The following KCNQ5 variants were observed in gnomAD, a reference collection of about 807,000 sequenced individuals.
The protein encoded by KCNQ5 is potassium voltage-gated channel subfamily KQT member 5.
In KCNQ5, 30 loss-of-function variants were observed where a neutral mutation model predicts 98.2. That is an observed-to-expected ratio of 0.31 (90% confidence interval 0.23 to 0.41). The LOEUF (loss-of-function observed/expected upper bound fraction) is 0.41, where lower values mean the gene tolerates loss of function less well. Among genes scored for constraint, KCNQ5 ranks in the 10% least tolerant of loss-of-function variants. The probability of loss-of-function intolerance (pLI) is 1.00; values close to 1 mark genes in which losing one functional copy is unlikely to be tolerated. For missense variants in KCNQ5, 835 were observed against 1,182.5 expected (o/e 0.71, Z 4.31); for synonymous variants, 458 against 449.4 (o/e 1.02, Z -0.24).
At chr6:72,808,103 G>C (rs572696550) in intron 1 of KCNQ5, among the ~76,000 whole-genome samples, 1 of 152,298 alleles carries the variant, frequency 6.6e-6, no homozygotes, top group African/African-American at 2.4e-5. Context: ...CTAGGGGCAG[G>C]ATGGGGACAG....
At chr6:72,912,363 G>T (rs1421869637) in intron 1 of KCNQ5, among the ~76,000 whole-genome samples, 1 of 152,172 alleles carries the variant, frequency 6.6e-6, no homozygotes, top group Admixed American at 6.6e-5. Flanking sequence ...TTCCACTAGA[G>T]AATAAAGCTT....
chr6:72,934,750 C>G (rs1489590473), intron 1 of KCNQ5, among the ~76,000 whole-genome samples: 2 of 152,194 alleles, frequency 1.3e-5, no homozygotes, highest in Admixed American at 1.3e-4. Context: ...TGTCTGGGCT[C>G]TCATAGCTCA....
intron 1 of KCNQ5, among the ~76,000 whole-genome samples, chr6:72,871,808 C>A (rs955805976): frequency 3.9e-5 from 6 of 152,072 alleles, no homozygotes; most frequent in African/African-American, 1.2e-4. Flanking sequence ...AGTATTAGTC[C>A]AAGGATACAT....
At chr6:72,733,910 C>T (rs1770686327) in intron 1 of KCNQ5, among the ~76,000 whole-genome samples, 2 of 152,182 alleles carry the variant, frequency 1.3e-5, no homozygotes, top group South Asian at 4.1e-4. Flanking sequence ...TCCATTAGTG[C>T]TCTACTCAGT....
At chr6:72,665,737 C>T (rs1565067700) in intron 1 of KCNQ5, among the ~76,000 whole-genome samples, 1 of 152,132 alleles carries the variant, frequency 6.6e-6, no homozygotes, top group South Asian at 2.1e-4. Context: ...TAAAGAGTTG[C>T]CGCATGAGGG....
intron 1 of KCNQ5, among the ~76,000 whole-genome samples, chr6:72,848,573 C>A (rs1480523615): frequency 6.6e-6 from 1 of 152,158 alleles, no homozygotes; most frequent in African/African-American, 2.4e-5. Context: ...ACTCAAATAA[C>A]TTTACCCATC....
intron 1 of KCNQ5, among the ~76,000 whole-genome samples, chr6:72,971,296 A>T (rs1767885574): frequency 6.6e-6 from 1 of 152,238 alleles, no homozygotes; most frequent in African/African-American, 2.4e-5. Flanking sequence ...CCACAATGAG[A>T]TACCATCTCA....
intron 1 of KCNQ5, among the ~76,000 whole-genome samples, chr6:72,908,139 T>G (rs190121815): frequency 2.6e-5 from 4 of 152,042 alleles, no homozygotes; most frequent in Non-Finnish European, 4.4e-5. Flanking sequence ...CCTTGAAAAT[T>G]TGGAACATTT....
chr6:73,187,096 G>A (rs1765396024), intron 11 of KCNQ5, among the ~76,000 whole-genome samples: 2 of 142,896 alleles, frequency 1.4e-5, no homozygotes, highest in Admixed American at 1.5e-4. Flanking sequence ...GTCTTGCTCT[G>A]TCGCCCAGGC....
At chr6:72,943,542 G>A (rs1254010065) in intron 1 of KCNQ5, among the ~76,000 whole-genome samples, 9 of 152,194 alleles carry the variant, frequency 5.9e-5, no homozygotes. Flanking sequence ...CAGTCAAGAA[G>A]TGTCAAATTA....
intron 1 of KCNQ5, among the ~76,000 whole-genome samples, chr6:72,887,970 C>G (rs1050625605): frequency 6.6e-6 from 1 of 151,786 alleles, no homozygotes; most frequent in African/African-American, 2.4e-5. Flanking sequence ...TTATAAGCAG[C>G]CCACTTAAAA....
At chr6:73,081,151 T>A (rs1225161516) in intron 5 of KCNQ5, among the ~76,000 whole-genome samples, 1 of 152,174 alleles carries the variant, frequency 6.6e-6, no homozygotes, top group African/African-American at 2.4e-5. Flanking sequence ...GACCCACAGT[T>A]TGAACACAGA....
chr6:72,654,279 A>G (rs371831391), intron 1 of KCNQ5, among the ~76,000 whole-genome samples: 1 of 151,936 alleles, frequency 6.6e-6, no homozygotes, highest in South Asian at 2.1e-4. Flanking sequence ...TTGGGAATAT[A>G]TTGGATTTAA....
intron 1 of KCNQ5, among the ~76,000 whole-genome samples, chr6:72,904,696 A>G (rs1033901593): frequency 5.9e-5 from 9 of 152,160 alleles, no homozygotes; most frequent in South Asian, 2.1e-4. Context: ...TTGGGCCCCA[A>G]TCCCTTCTAG....
At chr6:73,136,768 A>G (rs1183004529) in intron 10 of KCNQ5, 2 of 152,242 alleles carry the variant, frequency 1.3e-5, no homozygotes, top group Admixed American at 6.5e-5. Flanking sequence ...TAGCTGTCAA[A>G]TAAATGTAGA....
intron 1 of KCNQ5, among the ~76,000 whole-genome samples, chr6:72,961,702 G>A (rs924661953): frequency 1.3e-5 from 2 of 151,174 alleles, no homozygotes; most frequent in African/African-American, 4.9e-5. Flanking sequence ...GAGACGAGAA[G>A]ATAAAGCATT....
intron 1 of KCNQ5, among the ~76,000 whole-genome samples, chr6:72,862,984 G>A (rs962673817): frequency 6.6e-6 from 1 of 152,084 alleles, no homozygotes; most frequent in Non-Finnish European, 1.5e-5. Context: ...TCCTTGCACT[G>A]TTATTCATAG....
chr6:72,766,827 T>A (rs9446750), intron 1 of KCNQ5, among the ~76,000 whole-genome samples: 4,716 of 152,064 alleles, frequency 0.031, 255 homozygotes, highest in African/African-American at 0.11. Flanking sequence ...TTGTGGAGTT[T>A]GCTAGTAGAA....
chr6:72,875,143 A>AATATT (rs1778360092), intron 1 of KCNQ5, among the ~76,000 whole-genome samples: 1 of 152,160 alleles, frequency 6.6e-6, no homozygotes, highest in African/African-American at 2.4e-5. Flanking sequence ...AGTAGTTAAT[A>AATATT]CAATATTGCT....
Sources: allele counts gnomAD v4.1 joint callset (sites outside exome capture counted in the v4.1 genomes callset), GRCh38; gene constraint gnomAD v4.1.1; transcripts MANE v1.5; gene names NCBI Gene and HGNC (gene_info 2026-07-23, HGNC 2026-07-21).